Variants in PSIP1 observed in about 807,000 individuals in gnomAD.
PSIP1 encodes PC4 and SRSF1 interacting protein 1.
A neutral mutation model predicts 74.7 loss-of-function variants in PSIP1; 19 were observed. That is an observed-to-expected ratio of 0.25 (90% CI 0.18 to 0.37). PSIP1 has a LOEUF of 0.37. Ranked by LOEUF, PSIP1 falls within the 10% of genes least tolerant of loss-of-function variation. PSIP1 has a pLI of 1.00. For synonymous variants in PSIP1, 222 were observed against 195.3 expected (o/e 1.14, Z -1.14); for missense variants, 601 against 614.3 (o/e 0.98, Z 0.23).
Position 15,471,067 on chromosome 9 carries a change from A to G in PSIP1, c.978-1074T>C, listed in dbSNP as rs913264664. On this transcript the variant is annotated intron_variant, in intron 10 of 15. Coordinates refer to ENST00000380733, the MANE Select transcript of PSIP1 (RefSeq NM_033222.5). ...AAGTCCTCAATTTAGAATCTGGAAC[A>G]TTCTTCCATCAATGGGGGGAAGGGG... 10 of 1,489,478 alleles carry G rather than the reference A, an allele frequency of 6.7e-6. No homozygotes were observed. In the African/African-American group the frequency reaches 1.3e-4, roughly 19 times the overall value. The allele number at this position is 1,489,478 out of a possible 1,614,324, so 92.3% of individuals were successfully genotyped here.
At chr9:15,509,045 G>A (rs1255094083) in intron 2 of PSIP1, among the ~76,000 whole-genome samples, 1 of 152,194 alleles carries the variant, frequency 6.6e-6, no homozygotes, top group Non-Finnish European at 1.5e-5. Flanking sequence ...AACAGTGATC[G>A]TTTTACACTT....
chr9:15,475,563 T>TG (rs1376010711), intron 8 of PSIP1, among the ~76,000 whole-genome samples: 1 of 152,174 alleles, frequency 6.6e-6, no homozygotes, highest in Non-Finnish European at 1.5e-5. Flanking sequence ...TAGATGACAA[T>TG]GTTTTTAAAA....
rs755548040 is a variant in PSIP1, at chr9:15,472,584, G to A, written c.977+48C>T. ...AAAGTCTATTATTTAAAAATTCCAT[G>A]CTAGCCTTTAAAAAGAACCCAAAAT... On this transcript the variant is annotated intron_variant, in intron 10 of 15. Coordinates refer to ENST00000380733, the MANE Select transcript of PSIP1 (RefSeq NM_033222.5). The A allele has an allele frequency of 2.6e-6, 4 of 1,556,182 alleles. No individual in the cohort carries two copies. In the South Asian group the frequency reaches 4.9e-5, roughly 19 times the overall value.
At chr9:15,470,523 CAA>C (rs2035779192) in intron 10 of PSIP1, 1 of 835,176 alleles carries the variant, frequency 1.2e-6, no homozygotes, top group African/African-American at 1.9e-5. Context: ...TTGTCAATCA[CAA>C]AAATAACCAC....
chr9:15,476,882 G>A (rs1311907704), intron 8 of PSIP1, among the ~76,000 whole-genome samples: 4 of 152,282 alleles, frequency 2.6e-5, no homozygotes, highest in African/African-American at 9.6e-5. Flanking sequence ...TCCGAAAGTA[G>A]GCTGAGAAAG....
chr9:15,509,973 A>C, intron 2 of PSIP1, 144 bp downstream of exon 2: 1 of 768,378 alleles, frequency 1.3e-6, no homozygotes, highest in African/African-American at 1.8e-5. Flanking sequence ...TATTGGGCAA[A>C]AAACTAAAAT....
At chr9:15,493,896 C>G (rs1244064675) in intron 3 of PSIP1, among the ~76,000 whole-genome samples, 1 of 152,140 alleles carries the variant, frequency 6.6e-6, no homozygotes, top group African/African-American at 2.4e-5. Flanking sequence ...AGAGCCAAAC[C>G]ATATCAGTAG....
At chr9:15,477,401 T>C (rs748011667) in intron 8 of PSIP1, among the ~76,000 whole-genome samples, 6 of 152,184 alleles carry the variant, frequency 3.9e-5, no homozygotes, top group East Asian at 1.9e-4. Flanking sequence ...TATATTGTTA[T>C]GTGCCACTAT....
At chr9:15,470,591 G>T in intron 10 of PSIP1, 1 of 945,178 alleles carries the variant, frequency 1.1e-6, no homozygotes, top group Non-Finnish European at 1.3e-6. Context: ...GCCATATTAT[G>T]AACCAATTCA....
chr9:15,473,915 C>CAAAAAAAAAAAAAAA (rs386414512), intron 9 of PSIP1, 94 bp downstream of exon 9: 2 of 557,684 alleles, frequency 3.6e-6, no homozygotes, highest in East Asian at 4.9e-5. Flanking sequence ...AAAAAAAAAA[C>CAAAAAAAAAAAAAAA]AAAAAAAAAA....
At position 15,485,721 on chromosome 9, in the gene PSIP1, T is replaced by C. The variant is rs1265824058; in HGVS notation, c.456+285A>G. On this transcript the variant is annotated intron_variant, in intron 6 of 15. Transcript: ENST00000380733. The stretch of plus-strand genomic sequence containing the variant: ...TAAATCATTTAATCCTCCACAACCT[T>C]GGAGTATATATTTCTACCCAATTTA... Among the ~76,000 whole-genome samples, 4 of 152,294 alleles carry C rather than the reference T, an allele frequency of 2.6e-5. No individual in the cohort carries two copies. In the East Asian group the frequency reaches 5.8e-4, roughly 22 times the overall value.
chr9:15,510,789 G>C (rs944023632), intron 1 of PSIP1, 28 bp downstream of exon 1: 3 of 152,002 alleles, frequency 2.0e-5, no homozygotes, highest in Non-Finnish European at 4.4e-5. Context: ...CGAGGGGGGG[G>C]CGGGGCGAGT....
At chr9:15,467,242 A>G (rs1321175202) in intron 14 of PSIP1, among the ~76,000 whole-genome samples, 1 of 152,232 alleles carries the variant, frequency 6.6e-6, no homozygotes, top group Non-Finnish European at 1.5e-5. Flanking sequence ...ATGTGAATCA[A>G]ATTTTAAAAT....
chr9:15,478,570 A>G lies in PSIP1; in HGVS notation c.554-18T>C. The G allele has an allele frequency of 6.6e-7, 1 of 1,511,882 alleles. No individual in the cohort carries two copies. The allele number at this position is 1,511,882 out of a possible 1,614,324, so 93.7% of individuals were successfully genotyped here. A position where few individuals can be genotyped will look rare whatever the true frequency, so the allele number is the denominator to read the frequency against. ...TTCTGTAGCTAATATACACATGGAAAAAAAATCAGTAACTACTAGTTTCTA... is the reference window on the plus strand; with the variant it reads ...TTCTGTAGCTAATATACACATGGAAGAAAAATCAGTAACTACTAGTTTCTA... On this transcript the variant is annotated intron_variant, in intron 7 of 15. Coordinates refer to ENST00000380733, the MANE Select transcript of PSIP1 (RefSeq NM_033222.5).
chr9:15,488,960 A>G (rs58386466), intron 4 of PSIP1, among the ~76,000 whole-genome samples: 1,801 of 152,222 alleles, frequency 0.012, 38 homozygotes, highest in African/African-American at 0.038. Flanking sequence ...GGCGGAGCTT[A>G]CAGTGAGCCA....
chr9:15,478,144 A>G (rs112357874), intron 8 of PSIP1, among the ~76,000 whole-genome samples: 26 of 151,666 alleles, frequency 1.7e-4, no homozygotes, highest in African/African-American at 6.3e-4. Flanking sequence ...AAAAAAAAAA[A>G]AAAAAAAATT....
chr9:15,490,759 A>G (rs1167873302), intron 3 of PSIP1, among the ~76,000 whole-genome samples: 1 of 151,902 alleles, frequency 6.6e-6, no homozygotes, highest in African/African-American at 2.4e-5. Context: ...ACACATTAGC[A>G]TTAATCAACA....
intron 8 of PSIP1, among the ~76,000 whole-genome samples, chr9:15,477,357 A>G (rs1424780222): frequency 6.6e-6 from 1 of 152,154 alleles, no homozygotes; most frequent in East Asian, 1.9e-4. Flanking sequence ...AGAACCCTTA[A>G]AGTCTACTCT....
chr9:15,472,615 A>G lies in PSIP1; in HGVS notation c.977+17T>C, dbSNP rs762552562. 1.4e-5 allele frequency: 21 copies of G among 1,555,442 alleles called. No individual in the cohort carries two copies. Among genetic ancestry groups the G allele is most frequent in the Non-Finnish European group, 1.7e-5 (20 of 1,160,692 alleles). On this transcript the variant is annotated intron_variant, in intron 10 of 15. Coordinates refer to ENST00000380733, the MANE Select transcript of PSIP1 (RefSeq NM_033222.5). ...CTTTAAAAAGAACCCAAAATTTAGA[A>G]AAAAAAAAATACTTACTGCTCAGTT...
Sources: allele counts gnomAD v4.1 joint callset (sites outside exome capture counted in the v4.1 genomes callset), GRCh38; gene constraint gnomAD v4.1.1; transcripts MANE v1.5; gene names NCBI Gene and HGNC (gene_info 2026-07-23, HGNC 2026-07-21).